The following LTBP1 variants were observed in gnomAD, a reference collection of about 807,000 sequenced individuals.
The protein encoded by LTBP1 is latent transforming growth factor beta binding protein 1.
Under a neutral mutation model 207.6 loss-of-function variants are expected in LTBP1, and 129 were observed. That is an observed-to-expected ratio of 0.62 (90% CI 0.54 to 0.72). LTBP1 has a LOEUF of 0.72. Among genes scored for constraint, LTBP1 ranks in the 30% least tolerant of loss-of-function variants. LTBP1 has a pLI of 0.00. For synonymous variants in LTBP1, 963 were observed against 833.7 expected, an observed-to-expected ratio of 1.16 and a Z score of -2.67; for missense variants, 2,281 against 2,217.2, an observed-to-expected ratio of 1.03 and a Z score of -0.58.
At chr2:33,120,916 G>A (rs897410400) in intron 4 of LTBP1, among the ~76,000 whole-genome samples, 2 of 152,134 alleles carry the variant, frequency 1.3e-5, no homozygotes, top group Admixed American at 6.5e-5. Flanking sequence ...TCATTAGTAC[G>A]TGGTTGACTA....
chr2:32,993,323 G>A (rs1028273714), intron 2 of LTBP1, among the ~76,000 whole-genome samples: 1 of 152,124 alleles, frequency 6.6e-6, no homozygotes, highest in African/African-American at 2.4e-5. Flanking sequence ...AAAATTGGTG[G>A]AGACAGCCTG....
chr2:33,082,431 ACTTTTTTTTTTTTTTTT>A (rs1196589931), intron 3 of LTBP1, among the ~76,000 whole-genome samples: 3 of 116,038 alleles, frequency 2.6e-5, no homozygotes, highest in African/African-American at 6.7e-5. Context: ...AGTATGACTC[ACTTTTTTTTTTTTTTTT>A]TTTTTTTTTT....
intron 3 of LTBP1, among the ~76,000 whole-genome samples, chr2:33,049,084 T>C (rs2076594466): frequency 6.6e-6 from 1 of 152,230 alleles, no homozygotes; most frequent in South Asian, 2.1e-4. Flanking sequence ...GATCTGGTGC[T>C]ACACAGAGAG....
chr2:33,029,564 A>G (rs1037968282), intron 3 of LTBP1, among the ~76,000 whole-genome samples: 4 of 152,266 alleles, frequency 2.6e-5, no homozygotes, highest in African/African-American at 7.2e-5. Flanking sequence ...CCAACTTTCC[A>G]GAATTTTCAA....
chr2:33,349,865 T>C (rs1262154124), intron 26 of LTBP1, among the ~76,000 whole-genome samples: 2 of 152,234 alleles, frequency 1.3e-5, no homozygotes, highest in Non-Finnish European at 2.9e-5. Context: ...TATACCTAGG[T>C]GAGTCTTGGT....
Position 33,293,879 on chromosome 2 carries a change from T to C in LTBP1, c.3235+597T>C, listed in dbSNP as rs150455865. ...ATAACTTTTTTTCAAACGTTATTTTTAGAGGCTGCACAATATTCTAGTATA... is the reference window on the plus strand; with the variant it reads ...ATAACTTTTTTTCAAACGTTATTTTCAGAGGCTGCACAATATTCTAGTATA... On this transcript the variant is annotated intron_variant, in intron 20 of 33. Coordinates refer to ENST00000404816, the MANE Select transcript of LTBP1 (RefSeq NM_206943.4). 5.1e-3 allele frequency among the ~76,000 whole-genome samples: 771 copies of C among 152,254 alleles called. 9 individuals carry two copies. The highest frequency in any genetic ancestry group is 0.018 in the African/African-American group (738 of 41,566).
chr2:33,193,417 C>T (rs937866113), intron 7 of LTBP1, among the ~76,000 whole-genome samples: 1 of 152,320 alleles, frequency 6.6e-6, no homozygotes, highest in Admixed American at 6.5e-5. Context: ...GCTGGGATTA[C>T]AGGCATGAGC....
intron 10 of LTBP1, among the ~76,000 whole-genome samples, chr2:33,246,340 T>C (rs1402614983): frequency 2.0e-5 from 3 of 152,140 alleles, no homozygotes; most frequent in Non-Finnish European, 2.9e-5. Context: ...AAGAGCTTGA[T>C]GGGGGAAGTC....
chr2:32,973,458 T>C (rs1156612612), intron 2 of LTBP1, among the ~76,000 whole-genome samples: 4 of 152,134 alleles, frequency 2.6e-5, no homozygotes, highest in Non-Finnish European at 5.9e-5. Context: ...TTTTTGTGGG[T>C]ACACAGTAGG....
chr2:33,172,384 A>G (rs1212807745), intron 5 of LTBP1, among the ~76,000 whole-genome samples: 3 of 152,188 alleles, frequency 2.0e-5, no homozygotes, highest in Non-Finnish European at 2.9e-5. Flanking sequence ...CTTTAAACCA[A>G]CAAAGATCAA....
chr2:33,059,548 T>G (rs2077167302), intron 3 of LTBP1, among the ~76,000 whole-genome samples: 1 of 152,162 alleles, frequency 6.6e-6, no homozygotes. Flanking sequence ...CTCTATAGGA[T>G]TAAAACAATG....
chr2:33,212,012 A>G (rs1055558783), intron 7 of LTBP1, among the ~76,000 whole-genome samples: 2 of 152,192 alleles, frequency 1.3e-5, no homozygotes, highest in Non-Finnish European at 1.5e-5. Flanking sequence ...TACATACATT[A>G]CCCTGCAATC....
At chr2:33,292,111 C>T (rs1245217057) in intron 19 of LTBP1, among the ~76,000 whole-genome samples, 1 of 152,144 alleles carries the variant, frequency 6.6e-6, no homozygotes, top group East Asian at 1.9e-4. Context: ...TAGTGTCTGT[C>T]ACTGTGACAT....
At chr2:33,048,818 G>A (rs2076578432) in intron 3 of LTBP1, among the ~76,000 whole-genome samples, 1 of 152,208 alleles carries the variant, frequency 6.6e-6, no homozygotes, top group African/African-American at 2.4e-5. Flanking sequence ...TAATGAGATT[G>A]AGAATGATGC....
chr2:32,981,103 A>G (rs139671691), intron 2 of LTBP1, among the ~76,000 whole-genome samples: 3 of 152,232 alleles, frequency 2.0e-5, no homozygotes, highest in South Asian at 2.1e-4. Context: ...TTGTACTTGA[A>G]TATGGATATT....
At position 33,000,308 on chromosome 2, in the gene LTBP1, A is replaced by G. The variant is rs531788571; in HGVS notation, c.566-20601A>G. 1.9e-4 allele frequency among the ~76,000 whole-genome samples: 25 copies of G among 134,720 alleles called. 2 individuals carry two copies. The highest frequency in any genetic ancestry group is 5.9e-4 in the African/African-American group (23 of 38,772). 88.4% of individuals were successfully genotyped at this position (134,720 alleles called of 152,430 possible). A position where few individuals can be genotyped will look rare whatever the true frequency, so the allele number is the denominator to read the frequency against. ...AAGCCTACCCTTAGAATGACCCTAT[A>G]TGGCAGATGCACCTGAATGTGTATA... On this transcript the variant is annotated intron_variant, in intron 2 of 33. Coordinates refer to ENST00000404816, the MANE Select transcript of LTBP1 (RefSeq NM_206943.4).
intron 4 of LTBP1, among the ~76,000 whole-genome samples, chr2:33,126,870 C>T (rs2081468576): frequency 1.3e-5 from 2 of 152,132 alleles, no homozygotes; most frequent in African/African-American, 4.8e-5. Flanking sequence ...ATTCTGCAAG[C>T]TTGGATTCTC....
chr2:33,031,552 G>C (rs887024529), intron 3 of LTBP1, among the ~76,000 whole-genome samples: 2 of 152,234 alleles, frequency 1.3e-5, no homozygotes, highest in African/African-American at 4.8e-5. Context: ...GTGGTGCATA[G>C]TATAAATTCT....
Position 33,315,195 on chromosome 2 carries a change from T to A in LTBP1, c.3656T>A (p.Leu1219Gln). The A allele has an allele frequency of 6.2e-7, 1 of 1,613,434 alleles. No individual in the cohort carries two copies. Reference sequence around the variant, plus strand: ...CTCTGTGGTCCGCAAGGGGAGTGCCTAAACACAGAGGGTTCTTTCCATTGT... The same window carrying A: ...CTCTGTGGTCCGCAAGGGGAGTGCCAAAACACAGAGGGTTCTTTCCATTGT... Reference protein sequence around the residue: ...PGLCGPQGECLNTEGSFHCVC... With the variant: ...PGLCGPQGECQNTEGSFHCVC... The change falls in exon 24 of 34, where the codon CTA becomes CAA. Residue 1219 changes from leucine to glutamine, a missense_variant. Coordinates refer to ENST00000404816, the MANE Select transcript of LTBP1 (RefSeq NM_206943.4).
Sources: allele counts gnomAD v4.1 joint callset (sites outside exome capture counted in the v4.1 genomes callset), GRCh38; gene constraint gnomAD v4.1.1; transcripts MANE v1.5; gene names NCBI Gene and HGNC (gene_info 2026-07-23, HGNC 2026-07-21).